The following SYNPO variants were observed in gnomAD, a reference collection of about 807,000 sequenced individuals.
SYNPO encodes synaptopodin.
SYNPO carries 19 observed loss-of-function variants against 49.5 expected under a neutral mutation model. The observed-to-expected ratio is 0.38, with a 90% CI of 0.27 to 0.56. The LOEUF (loss-of-function observed/expected upper bound fraction) is 0.56. SYNPO is among the 20% of genes least tolerant of loss of function. The pLI, the probability that SYNPO is intolerant of heterozygous loss-of-function variation, is 0.68. For missense variants in SYNPO, 1,131 were observed against 1,248.3 expected (o/e 0.91, Z 1.42); for synonymous variants, 536 against 548.0 (o/e 0.98, Z 0.31).
At chr5:150,590,756 C>G in the SYNPO span, among the ~76,000 whole-genome samples, 1 of 152,158 alleles carries the variant, frequency 6.6e-6, no homozygotes, top group Non-Finnish European at 1.5e-5. Flanking sequence ...ACAGAAAATA[C>G]TTAGCACGGT....
chr5:150,594,009 A>C, the SYNPO span, among the ~76,000 whole-genome samples: 2 of 152,190 alleles, frequency 1.3e-5, no homozygotes, highest in Non-Finnish European at 2.9e-5. Context: ...GAAGTCAGAC[A>C]TGGGGCAGGG....
chr5:150,649,118 C>G lies in SYNPO; in HGVS notation c.843C>G (p.Ser281Arg). ...APQPPSLPDR[S>R]PRPQRHIMSR... ...AGCCCCCCAGTTTGCCAGACAGGAGCCCCCGGCCACAGAGACACATAATGT... is the reference window on the plus strand; with the variant it reads ...AGCCCCCCAGTTTGCCAGACAGGAGGCCCCGGCCACAGAGACACATAATGT... Residue 281 changes from serine (S) to arginine (R), a missense_variant, in exon 2 of 3, where the codon AGC (serine) becomes AGG (arginine). Around this residue, in one of 4 missense-constraint regions of SYNPO, gnomAD observed 602 missense variants for 720.7 expected, o/e 0.84. Transcript: ENST00000307662. 1 of 1,613,870 alleles carries G rather than the reference C, an allele frequency of 6.2e-7. No individual in the cohort carries two copies. The highest frequency in any genetic ancestry group is 8.5e-7 in the Non-Finnish European group (1 of 1,179,830).
At chr5:150,590,471 G>A in the SYNPO span, among the ~76,000 whole-genome samples, 65 of 152,378 alleles carry the variant, frequency 4.3e-4, no homozygotes, top group African/African-American at 1.5e-3. Flanking sequence ...GACGCTGGGT[G>A]AGACAGCAGA....
Position 150,650,029 on chromosome 5 carries a change from C to G in SYNPO, c.1754C>G (p.Pro585Arg). The G allele has an allele frequency of 6.2e-7, 1 of 1,612,626 alleles. No homozygotes were observed. Among genetic ancestry groups the G allele is most frequent in the Non-Finnish European group, 8.5e-7 (1 of 1,179,986 alleles). The change falls in exon 2 of 3, where the codon CCA (proline) becomes CGA (arginine). Residue 585 changes from proline to arginine, a missense_variant. This residue lies in a region of SYNPO where 509 missense variants were observed against 484.5 expected (regional missense o/e 1.05). Coordinates refer to ENST00000307662, the MANE Select transcript of SYNPO (RefSeq NM_007286.6). The stretch of plus-strand genomic sequence containing the variant: ...ATCAAGGAGCCTGCCAAGGTCTCAC[C>G]AAGAGCTGCCTCGCCCGCCAAGCCC... ...SPIKEPAKVS[P>R]RAASPAKPSS...
intron 1 of SYNPO, among the ~76,000 whole-genome samples, chr5:150,641,602 A>G (rs1757911795): frequency 6.6e-6 from 1 of 152,176 alleles, no homozygotes; most frequent in South Asian, 2.1e-4. Flanking sequence ...GGGCAGAACA[A>G]GCAGCTGTCC....
chr5:150,622,775 C>A (rs559282047), intron 2 of SYNPO, among the ~76,000 whole-genome samples: 9 of 152,218 alleles, frequency 5.9e-5, no homozygotes, highest in Non-Finnish European at 1.0e-4. Context: ...AAGCTGCCTA[C>A]TCCCCCTCCA....
the SYNPO span, among the ~76,000 whole-genome samples, chr5:150,595,859 C>A: frequency 6.6e-6 from 1 of 151,358 alleles, no homozygotes. Flanking sequence ...CCCACCCCCC[C>A]AGCTGGCTGG....
chr5:150,650,870 TG>T (rs1230663297), intron 2 of SYNPO: 1 of 1,260,744 alleles, frequency 7.9e-7, no homozygotes, highest in African/African-American at 1.5e-5. Context: ...CTTCTGCCTC[TG>T]CCTTCTGGAC....
intron 2 of SYNPO, among the ~76,000 whole-genome samples, chr5:150,624,379 G>C (rs182659614): frequency 1.5e-3 from 227 of 152,328 alleles, no homozygotes; most frequent in Non-Finnish European, 1.9e-3. Context: ...AAAGTGGGTA[G>C]TGGGTGGGTT....
Position 150,648,292 on chromosome 5 carries a change from A to C in SYNPO, c.17A>C (p.Glu6Ala). MEGYSEEASLLRHLEK... is the reference protein window; with the variant it reads MEGYSAEASLLRHLEK... Reference sequence around the variant, plus strand: ...GGCCACAGCATGGAGGGGTACTCAGAGGAGGCTAGCTTGCTGCGGCACCTG... The same window carrying C: ...GGCCACAGCATGGAGGGGTACTCAGCGGAGGCTAGCTTGCTGCGGCACCTG... The change falls in exon 2 of 3, where the codon GAG (glutamate) becomes GCG (alanine). Residue 6 changes from glutamate to alanine, a missense_variant. Around this residue, in one of 4 missense-constraint regions of SYNPO, gnomAD observed 16 missense variants for 20.9 expected, o/e 0.77. Coordinates refer to ENST00000307662, the MANE Select transcript of SYNPO (RefSeq NM_007286.6). The surrounding 1 kb of genome is among the most constrained non-coding windows in gnomAD (Gnocchi z 5.0). 2 of 1,614,196 alleles carry C rather than the reference A, an allele frequency of 1.2e-6. No homozygotes were observed. Among genetic ancestry groups the C allele is most frequent in the Non-Finnish European group, 1.7e-6 (2 of 1,180,024 alleles).
At chr5:150,623,602 C>T (rs1757250962) in intron 2 of SYNPO, among the ~76,000 whole-genome samples, 1 of 152,052 alleles carries the variant, frequency 6.6e-6, no homozygotes. Context: ...TCTCTGAAGC[C>T]CATGAGGCCA....
chr5:150,656,574 C>T lies in SYNPO; in HGVS notation c.2199C>T (p.Ser733=), dbSNP rs1200049072. The T allele has an allele frequency of 3.3e-6, 5 of 1,521,270 alleles. No homozygotes were observed. The East Asian group carries it at 1.3e-4, about 39-fold the overall frequency. 94.2% of individuals were successfully genotyped at this position (1,521,270 alleles called of 1,614,324 possible). A position where few individuals can be genotyped will look rare whatever the true frequency, so the allele number is the denominator to read the frequency against. ...PPPPPMSPSW[S]ERSVSPLRPE... The stretch of plus-strand genomic sequence containing the variant: ...CACCGCCCATGTCTCCCTCGTGGAG[C>T]GAGCGCTCGGTGTCCCCGCTGCGAC... Residue 733 remains serine (S), a synonymous_variant, in exon 3 of 3, where the codon AGC becomes AGT. Transcript: ENST00000307662.
chr5:150,597,427 G>A (rs1470599267), upstream of SYNPO, among the ~76,000 whole-genome samples: 1 of 152,188 alleles, frequency 6.6e-6, no homozygotes, highest in African/African-American at 2.4e-5. Context: ...TGCCTCCCAG[G>A]TTCAAGCGAT....
At chr5:150,640,956 A>T (rs1757881948) in intron 1 of SYNPO, 102 bp downstream of exon 1, 2 of 620,562 alleles carry the variant, frequency 3.2e-6, no homozygotes, top group Non-Finnish European at 4.0e-6. Context: ...CTGGGCATCA[A>T]GGGAGAGGTA....
chr5:150,633,397 T>C (rs1561645721), intron 2 of SYNPO, among the ~76,000 whole-genome samples: 2 of 152,230 alleles, frequency 1.3e-5, no homozygotes, highest in Non-Finnish European at 2.9e-5. Context: ...GATGGTAGTG[T>C]GTAGCGTTAG....
intron 1 of SYNPO, among the ~76,000 whole-genome samples, chr5:150,643,379 T>C (rs1757977422): frequency 1.3e-5 from 2 of 152,240 alleles, no homozygotes; most frequent in Non-Finnish European, 2.9e-5. Flanking sequence ...TGTATAGGTG[T>C]ACAGTAAGTG....
intron 2 of SYNPO, among the ~76,000 whole-genome samples, chr5:150,633,359 G>A (rs953640148): frequency 6.6e-6 from 1 of 152,224 alleles, no homozygotes; most frequent in Non-Finnish European, 1.5e-5. Context: ...ACTCAGATTA[G>A]TTAGAATAAA....
chr5:150,598,928 G>A (rs540750265), upstream of SYNPO, among the ~76,000 whole-genome samples: 10 of 152,252 alleles, frequency 6.6e-5, no homozygotes, highest in African/African-American at 2.2e-4. Context: ...GTTCACAGGG[G>A]CCTTGAATCA....
chr5:150,607,708 G>T (rs146699076), intron 1 of SYNPO, among the ~76,000 whole-genome samples: 27 of 151,758 alleles, frequency 1.8e-4, no homozygotes, highest in Non-Finnish European at 3.4e-4. Flanking sequence ...TGCAATGCCA[G>T]CACTGTCCCC....
Sources: gnomAD v4.1 joint callset for allele counts (sites outside exome capture counted in the v4.1 genomes callset) on GRCh38, gnomAD v4.1.1 for gene constraint, gnomAD v4.1.1 regional missense constraint, Gnocchi (gnomAD v3.1) non-coding constraint, MANE v1.5 for transcripts, NCBI Gene and HGNC (gene_info 2026-07-23, HGNC 2026-07-21) for gene names.